LITAF: variants seen among roughly 807,000 people sequenced by gnomAD.
The protein encoded by LITAF is lipopolysaccharide induced TNF factor, also known as lipopolysaccharide-induced tumor necrosis factor-alpha factor.
A neutral mutation model predicts 14.5 loss-of-function variants in LITAF; 9 were observed. The observed-to-expected ratio is 0.62, with a 90% confidence interval of 0.37 to 1.08. The LOEUF (loss-of-function observed/expected upper bound fraction) is 1.08, where lower values mean the gene tolerates loss of function less well. Among genes scored for constraint, LITAF ranks in the 50% least tolerant of loss-of-function variants. The pLI, the probability that LITAF is intolerant of heterozygous loss-of-function variation, is 0.01. For missense variants in LITAF, 206 were observed against 213.4 expected (o/e 0.97, Z 0.22); for synonymous variants, 98 against 88.2 (o/e 1.11, Z -0.62).
At chr16:11,595,452 G>A (rs2064877203) in intron 1 of LITAF, among the ~76,000 whole-genome samples, 1 of 152,192 alleles carries the variant, frequency 6.6e-6, no homozygotes, top group African/African-American at 2.4e-5. Context: ...GATGCCGGCT[G>A]GACACGGTGG....
intron 3 of LITAF, among the ~76,000 whole-genome samples, chr16:11,625,950 G>C (rs1339057588): frequency 1.3e-5 from 2 of 152,228 alleles, no homozygotes; most frequent in South Asian, 2.1e-4. Flanking sequence ...GAAGCACAGA[G>C]AGGTTGGGTG....
chr16:11,576,554 A>AAAAAAAAAACAC (rs1555469756), intron 1 of LITAF, among the ~76,000 whole-genome samples: 1 of 116,642 alleles, frequency 8.6e-6, no homozygotes, highest in Admixed American at 8.4e-5. Context: ...AAAAAAAAAA[A>AAAAAAAAAACAC]AGAGAGAGAG....
At chr16:11,618,905 C>T (rs1193913765) in intron 3 of LITAF, among the ~76,000 whole-genome samples, 8 of 151,630 alleles carry the variant, frequency 5.3e-5, no homozygotes, top group Admixed American at 5.3e-4. Context: ...ATCGCGTGAA[C>T]CTGGGAGGTG....
chr16:11,577,474 C>T (rs149398543), intron 1 of LITAF, among the ~76,000 whole-genome samples: 2,295 of 152,002 alleles, frequency 0.015, 61 homozygotes, highest in African/African-American at 0.053. Flanking sequence ...CCCACCACCA[C>T]GCCCGGCTAG....
intron 1 of LITAF, among the ~76,000 whole-genome samples, chr16:11,560,582 CA>C (rs57634636): frequency 6.5e-4 from 77 of 118,950 alleles, no homozygotes; most frequent in East Asian, 1.1e-3. Context: ...GATTCCATCT[CA>C]AAAAAAAAAA....
chr16:11,622,830 G>A, intron 3 of LITAF, among the ~76,000 whole-genome samples: 1 of 151,756 alleles, frequency 6.6e-6, no homozygotes, highest in South Asian at 2.1e-4. Flanking sequence ...TTCACTGAAG[G>A]GAAAGAAATT....
chr16:11,583,490 C>G (rs1178482660), intron 1 of LITAF, among the ~76,000 whole-genome samples: 1 of 152,190 alleles, frequency 6.6e-6, no homozygotes. Context: ...TGTATGAACG[C>G]TGATGACAAT....
chr16:11,561,541 G>A (rs2064365966), intron 1 of LITAF: 1 of 152,186 alleles, frequency 6.6e-6, no homozygotes, highest in African/African-American at 2.4e-5. Flanking sequence ...GCATTGCTTT[G>A]AGATCAAACA....
At chr16:11,581,545 G>A (rs1024208445) in intron 1 of LITAF, among the ~76,000 whole-genome samples, 6 of 152,132 alleles carry the variant, frequency 3.9e-5, no homozygotes, top group African/African-American at 1.4e-4. Flanking sequence ...AGCTCGAGAG[G>A]GAGGTTGAGG....
chr16:11,552,504 A>C (rs2064196066), intron 3 of LITAF, among the ~76,000 whole-genome samples: 1 of 152,208 alleles, frequency 6.6e-6, no homozygotes, highest in Non-Finnish European at 1.5e-5. Context: ...CTCGGGCTCG[A>C]GCAAAACATT....
upstream of LITAF, among the ~76,000 whole-genome samples, chr16:11,601,266 C>T (rs900852654): frequency 6.6e-6 from 1 of 151,950 alleles, no homozygotes; most frequent in African/African-American, 2.4e-5. Context: ...ACCTCCCCAC[C>T]CTTCTGTGAC....
intron 3 of LITAF, among the ~76,000 whole-genome samples, chr16:11,614,882 G>A (rs963338896): frequency 4.6e-5 from 7 of 152,184 alleles, no homozygotes; most frequent in African/African-American, 1.2e-4. Context: ...TGTTCTAGAC[G>A]GCAGGCAGTT....
In LITAF at chr16:11,593,736, G is replaced by A. The variant is rs986024617; in HGVS notation, c.-6+4652C>T. ...GGACCTCAAACACATTTTGTAAAATGAAACCAGACACCAAAAACCACATAT... is the reference window on the plus strand; with the variant it reads ...GGACCTCAAACACATTTTGTAAAATAAAACCAGACACCAAAAACCACATAT... On this transcript the variant is annotated intron_variant, in intron 1 of 3. Transcript: ENST00000571627. 1.5e-4 allele frequency among the ~76,000 whole-genome samples: 23 copies of A among 152,298 alleles called. 1 individual carries two copies. The highest frequency in any genetic ancestry group is 5.1e-4 in the African/African-American group (21 of 41,570).
chr16:11,578,666 C>A (rs1457379052), intron 1 of LITAF, among the ~76,000 whole-genome samples: 1 of 152,178 alleles, frequency 6.6e-6, no homozygotes, highest in African/African-American at 2.4e-5. Context: ...ATGTCATGTG[C>A]ATGTCATGTG....
chr16:11,638,728 A>AGC (rs2065153021), upstream of LITAF, among the ~76,000 whole-genome samples: 1 of 114,868 alleles, frequency 8.7e-6, no homozygotes, highest in Non-Finnish European at 1.7e-5. Context: ...AAAAAAAAAA[A>AGC]AAAAAAAAAA....
At chr16:11,593,487 C>A (rs1032844646) in intron 1 of LITAF, among the ~76,000 whole-genome samples, 3 of 150,446 alleles carry the variant, frequency 2.0e-5, no homozygotes, top group Non-Finnish European at 3.0e-5. Flanking sequence ...AAGGTATATA[C>A]ACAAAAAAAC....
At chr16:11,596,427 A>T (rs1372620186) in intron 1 of LITAF, among the ~76,000 whole-genome samples, 1 of 136,486 alleles carries the variant, frequency 7.3e-6, no homozygotes, top group Non-Finnish European at 1.6e-5. Context: ...AGCAACTGGC[A>T]TCTGATGCAG....
upstream of LITAF, among the ~76,000 whole-genome samples, chr16:11,637,116 C>A (rs1253479987): frequency 6.6e-6 from 1 of 152,188 alleles, no homozygotes; most frequent in Non-Finnish European, 1.5e-5. Flanking sequence ...GTCTCAAACT[C>A]CTGATCTCAG....
At chr16:11,639,403 T>C (rs950825307), upstream of LITAF, among the ~76,000 whole-genome samples, 7 of 123,502 alleles carry the variant, frequency 5.7e-5, no homozygotes, top group African/African-American at 2.2e-4. Context: ...GATAGATGGG[T>C]GGATGGATGG....
Sources: gnomAD v4.1 joint callset for allele counts (sites outside exome capture counted in the v4.1 genomes callset) on GRCh38, gnomAD v4.1.1 for gene constraint, MANE v1.5 for transcripts, NCBI Gene and HGNC (gene_info 2026-07-23, HGNC 2026-07-21) for gene names.